FBXO11: variants seen among roughly 807,000 people sequenced by gnomAD.
The protein encoded by FBXO11 is F-box protein 11, also known as F-box only protein 11.
FBXO11 carries 13 observed loss-of-function variants against 117.0 expected under a neutral mutation model. That is an observed-to-expected ratio of 0.11 (90% CI 0.07 to 0.18). The LOEUF (loss-of-function observed/expected upper bound fraction) is 0.18. Ranked by LOEUF, FBXO11 falls within the 10% of genes least tolerant of loss-of-function variation. The pLI is 1.00. For synonymous variants in FBXO11, 490 were observed against 380.5 expected (o/e 1.29, Z -3.35); for missense variants, 767 against 1,164.4 (o/e 0.66, Z 4.97).
intron 1 of FBXO11, among the ~76,000 whole-genome samples, chr2:47,846,964 G>C (rs1313946315): frequency 2.0e-5 from 3 of 152,146 alleles, no homozygotes; most frequent in Admixed American, 1.3e-4. Flanking sequence ...TTCTGAGAAG[G>C]CTGGTCGTGG....
intron 1 of FBXO11, among the ~76,000 whole-genome samples, chr2:47,896,462 T>C (rs1677675067): frequency 6.6e-6 from 1 of 152,146 alleles, no homozygotes; most frequent in Admixed American, 6.5e-5. Context: ...CCTGAGTAGC[T>C]GGGACTACAG....
Position 47,833,083 on chromosome 2 carries a change from T to C in FBXO11, c.935-13A>G, listed in dbSNP as rs992092423. 7.1e-6 allele frequency: 11 copies of C among 1,555,272 alleles called. No individual in the cohort carries two copies. Among genetic ancestry groups the C allele is most frequent in the Middle Eastern group, 1.8e-4 (1 of 5,600 alleles). ...ACTTTCCCAGGTGCTGTGGAGAAGA[T>C]ATTTTAAAGAATATTACCTTTATTC... is the stretch of plus-strand genomic sequence containing the variant. On this transcript the variant is annotated splice_polypyrimidine_tract_variant and intron_variant, in intron 7 of 22. Coordinates refer to ENST00000403359, the MANE Select transcript of FBXO11 (RefSeq NM_001190274.2).
At chr2:47,886,832 T>G (rs1558474140) in intron 1 of FBXO11, among the ~76,000 whole-genome samples, 1 of 151,996 alleles carries the variant, frequency 6.6e-6, no homozygotes, top group Non-Finnish European at 1.5e-5. Context: ...TTTAAAAAAT[T>G]GAAAAAGCCT....
intron 1 of FBXO11, among the ~76,000 whole-genome samples, chr2:47,879,919 T>C (rs1226197642): frequency 1.3e-5 from 2 of 152,206 alleles, no homozygotes; most frequent in Non-Finnish European, 2.9e-5. Flanking sequence ...TACGGTTGTA[T>C]CACACAACAA....
chr2:47,831,644 A>G (rs1392249667), intron 11 of FBXO11, among the ~76,000 whole-genome samples: 2 of 152,004 alleles, frequency 1.3e-5, no homozygotes, highest in African/African-American at 4.8e-5. Context: ...CCTCAAGGAA[A>G]ATTTGACATT....
chr2:47,855,828 A>C (rs1272010499), intron 1 of FBXO11, among the ~76,000 whole-genome samples: 2 of 151,022 alleles, frequency 1.3e-5, no homozygotes, highest in African/African-American at 4.9e-5. Context: ...GCGAAACTCC[A>C]TCTCAAACAG....
intron 18 of FBXO11, 132 bp downstream of exon 18, chr2:47,813,102 G>A: frequency 4.1e-6 from 4 of 972,994 alleles, no homozygotes; most frequent in Non-Finnish European, 6.6e-6. Flanking sequence ...TCCTAAACCA[G>A]TTCAACTTGA....
At chr2:47,868,824 CT>C (rs1675395028) in intron 1 of FBXO11, among the ~76,000 whole-genome samples, 1 of 152,152 alleles carries the variant, frequency 6.6e-6, no homozygotes, top group Admixed American at 6.5e-5. Flanking sequence ...AGCCAGGTAC[CT>C]AGTGGCAGGT....
chr2:47,856,924 T>C (rs1674340814), intron 1 of FBXO11, among the ~76,000 whole-genome samples: 2 of 152,192 alleles, frequency 1.3e-5, no homozygotes, highest in Admixed American at 6.5e-5. Context: ...TTTAAGTATA[T>C]GATTTAAAGC....
intron 11 of FBXO11, among the ~76,000 whole-genome samples, chr2:47,823,596 T>C (rs1027465492): frequency 6.6e-6 from 1 of 151,820 alleles, no homozygotes; most frequent in Non-Finnish European, 1.5e-5. Context: ...CTACTAAAAA[T>C]ACAAAAATTA....
intron 19 of FBXO11, chr2:47,809,989 T>A (rs1220791343): frequency 2.0e-6 from 1 of 490,894 alleles, no homozygotes; most frequent in African/African-American, 2.0e-5. Context: ...CATCTCTTTT[T>A]CTGTTGCAGA....
rs778381112 is a variant in FBXO11 at position 47,808,082 on chromosome 2, G to GTTA, written c.*33_*35dup. On this transcript the variant is annotated 3_prime_UTR_variant, in exon 23 of 23. Coordinates refer to ENST00000403359, the MANE Select transcript of FBXO11 (RefSeq NM_001190274.2). The stretch of plus-strand genomic sequence containing the variant: ...CCAAAAAAGTGTTTTAAGTTATGAT[G>GTTA]TTACAATGGCAGGACTTTTTCTTTA... 2.6e-6 allele frequency: 4 copies of GTTA among 1,560,434 alleles called. No individual in the cohort carries two copies. Among genetic ancestry groups the GTTA allele is most frequent in the Non-Finnish European group, 3.5e-6 (4 of 1,145,394 alleles).
At chr2:47,829,856 G>C (rs1225447109) in intron 11 of FBXO11, among the ~76,000 whole-genome samples, 1 of 152,054 alleles carries the variant, frequency 6.6e-6, no homozygotes, top group African/African-American at 2.4e-5. Flanking sequence ...GCCATGAAAT[G>C]ATAGTTGTTG....
At chr2:47,855,636 C>G (rs1674229659) in intron 1 of FBXO11, among the ~76,000 whole-genome samples, 1 of 152,040 alleles carries the variant, frequency 6.6e-6, no homozygotes, top group African/African-American at 2.4e-5. Context: ...GAGTTCGAGA[C>G]CAGCCTGACC....
chr2:47,842,027 T>A (rs374610663), intron 1 of FBXO11, among the ~76,000 whole-genome samples: 37 of 149,738 alleles, frequency 2.5e-4, no homozygotes, highest in South Asian at 6.2e-4. Flanking sequence ...TTTTATTTTT[T>A]TTTTTTGAGA....
At chr2:47,824,193 A>C (rs1671580917) in intron 11 of FBXO11, among the ~76,000 whole-genome samples, 1 of 152,234 alleles carries the variant, frequency 6.6e-6, no homozygotes, top group African/African-American at 2.4e-5. Context: ...CTGCCTTAAA[A>C]ATGTCCCAAC....
intron 1 of FBXO11, among the ~76,000 whole-genome samples, chr2:47,882,629 T>G (rs1676516193): frequency 6.6e-6 from 1 of 152,178 alleles, no homozygotes. Flanking sequence ...CTGCTTCTTG[T>G]GCTCCTTCTT....
intron 1 of FBXO11, among the ~76,000 whole-genome samples, chr2:47,868,552 AGACT>A (rs1339400094): frequency 6.6e-6 from 1 of 152,160 alleles, no homozygotes; most frequent in Non-Finnish European, 1.5e-5. Context: ...TGGACCTCCC[AGACT>A]GACAGCTCTC....
chr2:47,853,786 G>A (rs1674065022), intron 1 of FBXO11, among the ~76,000 whole-genome samples: 2 of 152,270 alleles, frequency 1.3e-5, no homozygotes, highest in South Asian at 4.1e-4. Context: ...ATTGAGATGG[G>A]ATACTGAAAG....
Sources: gnomAD v4.1 joint callset for allele counts (sites outside exome capture counted in the v4.1 genomes callset) on GRCh38, gnomAD v4.1.1 for gene constraint, MANE v1.5 for transcripts, NCBI Gene and HGNC (gene_info 2026-07-23, HGNC 2026-07-21) for gene names.